Variants in ZNF519 observed in about 807,000 individuals in gnomAD.
ZNF519 encodes the protein similar to Zinc finger protein 85 (Zinc finger protein HPF4) (HTF1).
In ZNF519, 7 loss-of-function variants were observed where a neutral mutation model predicts 7.4. That is an observed-to-expected ratio of 0.94 (90% confidence interval 0.54 to 1.77). ZNF519 has a LOEUF of 1.77. Ranked by LOEUF, ZNF519 falls within the 40% of genes most tolerant of loss-of-function variation. ZNF519 has a pLI of 0.00. For synonymous variants in ZNF519, 179 were observed against 203.3 expected, an observed-to-expected ratio of 0.88 and a Z score of 1.02; for missense variants, 586 against 623.1, an observed-to-expected ratio of 0.94 and a Z score of 0.63.
chr18:14,071,929 A>C (rs1018452065), downstream of ZNF519: 8 of 152,334 alleles, frequency 5.3e-5, no homozygotes, highest in African/African-American at 1.7e-4. Context: ...GAGGCTGCCA[A>C]GAAAAGTTAT....
At chr18:14,119,493 G>T (rs1401867938) in intron 2 of ZNF519, among the ~76,000 whole-genome samples, 15 of 152,148 alleles carry the variant, frequency 9.9e-5, no homozygotes, top group Admixed American at 9.8e-4. Flanking sequence ...GTTTGGAAAA[G>T]AAGTAAAAAT....
chr18:14,104,323 T>TA lies in ZNF519; in HGVS notation c.*593dup, dbSNP rs2046176712. 6.6e-6 allele frequency: 1 copy of TA among 152,286 alleles called. No individual in the cohort carries two copies. Among genetic ancestry groups the TA allele is most frequent in the South Asian group, 2.1e-4 (1 of 4,832 alleles). The allele number at this position is 152,286 out of a possible 1,614,324, so 9.4% of individuals were successfully genotyped here. A position where few individuals can be genotyped will look rare whatever the true frequency, so the allele number is the denominator to read the frequency against. On this transcript the variant is annotated 3_prime_UTR_variant, in exon 3 of 3. Coordinates refer to ENST00000590202, the MANE Select transcript of ZNF519 (RefSeq NM_145287.4). ...CTGAACACCTAACTCATATATGACT[T>TA]ATATTCAGTGTTGTAAGTCAAACAA...
intron 2 of ZNF519, among the ~76,000 whole-genome samples, chr18:14,093,101 G>C (rs2046120920): frequency 6.6e-6 from 1 of 152,126 alleles, no homozygotes; most frequent in African/African-American, 2.4e-5. Flanking sequence ...TCTTTCTCAA[G>C]AACGTGACAG....
chr18:14,092,302 C>G (rs114568929), intron 2 of ZNF519, among the ~76,000 whole-genome samples: 1,869 of 152,102 alleles, frequency 0.012, 42 homozygotes, highest in African/African-American at 0.043. Context: ...CATTGGAACA[C>G]GAAGAGATGG....
chr18:14,087,829 T>C (rs2046097738), intron 2 of ZNF519, among the ~76,000 whole-genome samples: 1 of 152,214 alleles, frequency 6.6e-6, no homozygotes, highest in Non-Finnish European at 1.5e-5. Flanking sequence ...ATCACCATCA[T>C]TATATTTTGT....
At chr18:14,089,749 A>G (rs533301254) in intron 2 of ZNF519, among the ~76,000 whole-genome samples, 80 of 152,268 alleles carry the variant, frequency 5.3e-4, no homozygotes, top group Non-Finnish European at 8.7e-4. Flanking sequence ...TTTTAATTTT[A>G]TATTTATACA....
intron 3 of ZNF519, among the ~76,000 whole-genome samples, chr18:14,081,309 TG>T (rs1237015554): frequency 1.3e-5 from 2 of 151,666 alleles, no homozygotes; most frequent in South Asian, 4.2e-4. Context: ...TTAAAAAAAA[TG>T]GGGAAATAAA....
chr18:14,090,769 G>A (rs1295179567), intron 2 of ZNF519: 1 of 152,210 alleles, frequency 6.6e-6, no homozygotes, highest in Admixed American at 6.5e-5. Context: ...TGGAGATCCC[G>A]GAACACAGCA....
Position 14,104,024 on chromosome 18 carries a change from G to A in ZNF519, c.*893C>T, listed in dbSNP as rs1033262570. On this transcript the variant is annotated 3_prime_UTR_variant, in exon 3 of 3. Coordinates refer to ENST00000590202, the MANE Select transcript of ZNF519 (RefSeq NM_145287.4). ...ATACCATGACCTATGTTAAAAAAAT[G>A]TGTTCTCTCTTTTCTTAAACTGAGC... 7.9e-5 allele frequency: 12 copies of A among 152,124 alleles called. No individual in the cohort carries two copies. Among genetic ancestry groups the A allele is most frequent in the African/African-American group, 2.9e-4 (12 of 41,450 alleles). 9.4% of individuals were successfully genotyped at this position (152,124 alleles called of 1,614,324 possible).
chr18:14,108,553 A>C (rs1188706210), intron 2 of ZNF519, among the ~76,000 whole-genome samples: 1 of 152,144 alleles, frequency 6.6e-6, no homozygotes, highest in East Asian at 1.9e-4. Context: ...ATAATCAATA[A>C]CAACACTGAA....
chr18:14,078,733 A>G (rs184182379), intron 3 of ZNF519, among the ~76,000 whole-genome samples: 1 of 149,426 alleles, frequency 6.7e-6, no homozygotes, highest in East Asian at 1.9e-4. Context: ...TATGCCAAGA[A>G]TGCAAGTAGA....
downstream of ZNF519, among the ~76,000 whole-genome samples, chr18:14,098,380 G>T (rs989626520): frequency 6.6e-6 from 1 of 151,930 alleles, no homozygotes; most frequent in Non-Finnish European, 1.5e-5. Flanking sequence ...GTCTGGTCTC[G>T]AACTCCTGGC....
intron 2 of ZNF519, among the ~76,000 whole-genome samples, chr18:14,092,157 G>C (rs1355246170): frequency 1.3e-5 from 2 of 152,118 alleles, no homozygotes; most frequent in African/African-American, 4.8e-5. Flanking sequence ...TGGAGAGATG[G>C]GGTGAAGTCC....
chr18:14,091,624 A>G (rs185246645), intron 2 of ZNF519, among the ~76,000 whole-genome samples: 8 of 152,280 alleles, frequency 5.3e-5, no homozygotes, highest in Non-Finnish European at 7.3e-5. Context: ...TCTTGATGAC[A>G]TTTTAGGAAG....
intron 1 of ZNF519, among the ~76,000 whole-genome samples, chr18:14,127,625 G>C (rs2846941): frequency 6.6e-6 from 1 of 152,124 alleles, no homozygotes; most frequent in Admixed American, 6.5e-5. Context: ...GGGAGTTGAA[G>C]TTTTCAGGTT....
In ZNF519 at chr18:14,123,545, C is replaced by T. The variant is rs954916862; in HGVS notation, c.130+805G>A. On this transcript the variant is annotated intron_variant, in intron 2 of 2. Coordinates refer to ENST00000590202, the MANE Select transcript of ZNF519 (RefSeq NM_145287.4). ...ATCAGCCTGGGCAACATGGCAAAAC[C>T]CTGTCTCTACTAAAATACAAAAAAT... Among the ~76,000 whole-genome samples the T allele has an allele frequency of 2.6e-5, 4 of 151,978 alleles. No homozygotes were observed. The South Asian group carries it at 6.2e-4, about 24-fold the overall frequency.
At position 14,106,304 on chromosome 18, in the gene ZNF519, A is replaced by G. The variant is rs187034157; in HGVS notation, c.236T>C (p.Ile79Thr). ...ACTTTCCCAGTTTTTCCATAAGCAT[A>G]TATTTTCAAGGCCACAGCTCCCATA... is the stretch of plus-strand genomic sequence containing the variant. ...GRYGSCGLENICLWKNWESIG... is the reference protein window; with the variant it reads ...GRYGSCGLENTCLWKNWESIG... The change falls in exon 3 of 3, where the codon ATA becomes ACA. Residue 79 changes from isoleucine to threonine, a missense_variant. Transcript: ENST00000590202. The G allele has an allele frequency of 1.5e-4, 240 of 1,612,860 alleles. 2 individuals carry two copies. The African/African-American group carries it at 2.7e-3, about 18-fold the overall frequency.
intron 2 of ZNF519, among the ~76,000 whole-genome samples, chr18:14,113,975 T>G (rs2046234601): frequency 1.3e-5 from 2 of 152,222 alleles, no homozygotes; most frequent in African/African-American, 4.8e-5. Context: ...TGCTCATTTT[T>G]AATCAGATTA....
At chr18:14,092,454 T>G (rs1329804195) in intron 2 of ZNF519, among the ~76,000 whole-genome samples, 17 of 152,006 alleles carry the variant, frequency 1.1e-4, no homozygotes, top group Admixed American at 1.1e-3. Context: ...ACAGCTGTAG[T>G]TATAAATGTG....
Sources: allele counts gnomAD v4.1 joint callset (sites outside exome capture counted in the v4.1 genomes callset), GRCh38; gene constraint gnomAD v4.1.1; transcripts MANE v1.5; gene names NCBI Gene and HGNC (gene_info 2026-07-23, HGNC 2026-07-21).